GANAB: variants seen among roughly 807,000 people sequenced by gnomAD.
GANAB encodes the protein glucosidase II alpha subunit.
GANAB carries 35 observed loss-of-function variants against 129.9 expected under a neutral mutation model. The observed-to-expected ratio is 0.27, with a 90% CI of 0.21 to 0.36. GANAB has a LOEUF of 0.36. Ranked by LOEUF, GANAB falls within the 10% of genes least tolerant of loss-of-function variation. The pLI is 1.00. For synonymous variants in GANAB, 482 were observed against 451.8 expected, an observed-to-expected ratio of 1.07 and a Z score of -0.85; for missense variants, 939 against 1,221.0, an observed-to-expected ratio of 0.77 and a Z score of 3.44.
Position 62,626,371 on chromosome 11 carries a change from C to T in GANAB, c.2588G>A (p.Arg863His), listed in dbSNP as rs146501208. 9.9e-5 allele frequency: 160 copies of T among 1,612,998 alleles called. No homozygotes were observed. Among genetic ancestry groups the T allele is most frequent in the Middle Eastern group, 1.6e-4 (1 of 6,082 alleles). ...NYQTRQEFLL[R>H]RFSFSGNTLV... ...GGTGTTGCCAGAGAATGAGAATCGACGCAGCAGGAACTCTTGGCGAGTCTG... is the reference window on the plus strand; with the variant it reads ...GGTGTTGCCAGAGAATGAGAATCGATGCAGCAGGAACTCTTGGCGAGTCTG... The change falls in exon 22 of 24, where the codon CGT becomes CAT. Residue 863 changes from arginine (R) to histidine (H), a missense_variant. Physicochemically the swap from Arg to His is conservative, Grantham distance 29. Around this residue, in one of 5 missense-constraint regions of GANAB, gnomAD observed 230 missense variants for 259.9 expected, o/e 0.89. Coordinates refer to ENST00000356638, the MANE Select transcript of GANAB (RefSeq NM_198334.3).
chr11:62,645,887 G>T (rs1438595286), intron 1 of GANAB, among the ~76,000 whole-genome samples: 1 of 152,178 alleles, frequency 6.6e-6, no homozygotes, highest in Non-Finnish European at 1.5e-5. Context: ...AAACATTTGT[G>T]GCACTGGTGA....
chr11:62,626,647 C>A lies in GANAB; in HGVS notation c.2435G>T (p.Arg812Leu). The A allele has an allele frequency of 1.2e-6, 2 of 1,610,952 alleles. No homozygotes were observed. The highest frequency in any genetic ancestry group is 1.7e-6 in the Non-Finnish European group (2 of 1,178,300). The change falls in exon 21 of 24, where the codon CGA (arginine) becomes CTA (leucine). Residue 812 changes from arginine to leucine, a missense_variant. Arg to Leu is a moderately radical substitution (Grantham distance 102). Around this residue, in one of 5 missense-constraint regions of GANAB, gnomAD observed 230 missense variants for 259.9 expected, o/e 0.89. Transcript: ENST00000356638. ...TGAAGACCGCCGCACTCGCATCCAT[C>A]GAGGCACGATTGTCCCTCCACGCTG... is the stretch of plus-strand genomic sequence containing the variant. ...VFQRGGTIVP[R>L]WMRVRRSSEC...
chr11:62,639,261 T>C (rs927552968), intron 3 of GANAB, 98 bp downstream of exon 3: 21 of 1,285,408 alleles, frequency 1.6e-5, no homozygotes, highest in Non-Finnish European at 2.0e-5. Context: ...AGTCCAAAGA[T>C]TAGGCTGGGA....
rs1028456794 is a variant in GANAB at position 62,625,144 on chromosome 11, C to T, written c.*671G>A. The T allele has an allele frequency of 1.3e-4, 60 of 449,460 alleles. No homozygotes were observed. In the Admixed American group the frequency reaches 1.4e-3, roughly 10 times the overall value. The allele number at this position is 449,460 out of a possible 1,614,324, so 27.8% of individuals were successfully genotyped here. On this transcript the variant is annotated 3_prime_UTR_variant, in exon 24 of 24. Coordinates refer to ENST00000356638, the MANE Select transcript of GANAB (RefSeq NM_198334.3). ...GCGCATCCCCTAAGAGGTGTGGAAA[C>T]GTCTTTCTGCCGAGGGACAGAGGAG... is the stretch of plus-strand genomic sequence containing the variant.
chr11:62,625,449 T>C lies in GANAB; in HGVS notation c.*366A>G, dbSNP rs1352804024. 14 of 396,054 alleles carry C rather than the reference T, an allele frequency of 3.5e-5. No individual in the cohort carries two copies. Among genetic ancestry groups the C allele is most frequent in the South Asian group, 2.4e-4 (12 of 50,824 alleles). 24.5% of individuals were successfully genotyped at this position (396,054 alleles called of 1,614,324 possible). A position where few individuals can be genotyped will look rare whatever the true frequency, so the allele number is the denominator to read the frequency against. The stretch of plus-strand genomic sequence containing the variant: ...CTTCTTCCAAGAAGTGGCATCAACA[T>C]ACAAGAGGCATGAATGGATAGACTC... On this transcript the variant is annotated 3_prime_UTR_variant, in exon 24 of 24. Transcript: ENST00000356638.
Position 62,626,555 on chromosome 11 carries a change from CT to C in GANAB, c.2511+15del. 6.4e-7 allele frequency: 1 copy of C among 1,551,722 alleles called. No individual in the cohort carries two copies. On this transcript the variant is annotated intron_variant, in intron 21 of 23. Transcript: ENST00000356638. ...GCAGGCAAATGGCTGAGGAGACTCG[CT>C]GCCTATGCACTTACCTGAGGGCTAA... is the stretch of plus-strand genomic sequence containing the variant.
chr11:62,637,560 A>G (rs751090308), intron 4 of GANAB, among the ~76,000 whole-genome samples: 2 of 152,222 alleles, frequency 1.3e-5, no homozygotes, highest in Non-Finnish European at 2.9e-5. Context: ...ATAACAGGAG[A>G]CATGTACAAG....
At chr11:62,641,082 G>A (rs555171694) in intron 1 of GANAB, among the ~76,000 whole-genome samples, 4 of 151,986 alleles carry the variant, frequency 2.6e-5, no homozygotes, top group South Asian at 2.1e-4. Context: ...CTCATGTCAC[G>A]TCTGTAATCC....
Position 62,634,820 on chromosome 11 carries a change from C to A in GANAB, c.560+1G>T, listed in dbSNP as rs772348092. 1 of 1,612,372 alleles carries A rather than the reference C, an allele frequency of 6.2e-7. No homozygotes were observed. Among genetic ancestry groups the A allele is most frequent in the Admixed American group, 1.7e-5 (1 of 59,972 alleles). On this transcript the variant is annotated splice_donor_variant, in intron 5 of 23. Coordinates refer to ENST00000356638, the MANE Select transcript of GANAB (RefSeq NM_198334.3). LOFTEE classifies it high-confidence loss of function. ...CCTGCAGTCCCAACCCCTGTACTCACGAGACCCTAGGGGCCCTCTGATGCT... is the reference window on the plus strand; with the variant it reads ...CCTGCAGTCCCAACCCCTGTACTCAAGAGACCCTAGGGGCCCTCTGATGCT...
intron 1 of GANAB, among the ~76,000 whole-genome samples, chr11:62,642,509 ACTG>A (rs1944313462): frequency 6.6e-6 from 1 of 150,710 alleles, no homozygotes; most frequent in African/African-American, 2.4e-5. Context: ...ATCTCAGCTC[ACTG>A]CAACCTCTGC....
Position 62,630,627 on chromosome 11 carries a change from C to T in GANAB, c.1360G>A (p.Glu454Lys). The change falls in exon 11 of 24, where the codon GAG (glutamate) becomes AAG (lysine). Residue 454 changes from glutamate to lysine, a missense_variant. This residue lies in a region of GANAB where 220 missense variants were observed against 295.9 expected (regional missense o/e 0.74). Coordinates refer to ENST00000356638, the MANE Select transcript of GANAB (RefSeq NM_198334.3). The part of the protein sequence containing the change: ...SRFPQPRTML[E>K]RLASKRRKLV... ...TTCCGCCTCTTAGAAGCCAAGCGCT[C>T]AAGCATGGTGCGGGGCTGAGGGAAG... 6.2e-7 allele frequency: 1 copy of T among 1,613,088 alleles called. No homozygotes were observed.
chr11:62,635,023 T>A, intron 4 of GANAB, 23 bp from the exon 5 acceptor site: 1 of 1,580,098 alleles, frequency 6.3e-7, no homozygotes. Context: ...TCAAAAGAAA[T>A]ATAAGGAAGT....
chr11:62,626,824 G>A, intron 20 of GANAB, 36 bp downstream of exon 20: 1 of 1,509,896 alleles, frequency 6.6e-7, no homozygotes, highest in Non-Finnish European at 9.2e-7. Flanking sequence ...AAATTTACAG[G>A]GAGATGGAAC....
intron 1 of GANAB, among the ~76,000 whole-genome samples, chr11:62,642,640 T>C (rs984519433): frequency 1.3e-5 from 2 of 152,076 alleles, no homozygotes; most frequent in South Asian, 2.1e-4. Flanking sequence ...TTCATCATGT[T>C]GGCCAGGCTC....
chr11:62,635,215 A>T (rs1943892217), intron 4 of GANAB, among the ~76,000 whole-genome samples: 1 of 149,842 alleles, frequency 6.7e-6, no homozygotes, highest in Non-Finnish European at 1.5e-5. Context: ...ACGGAGTTTC[A>T]CTCTTGTTGC....
In GANAB at chr11:62,625,594, G is replaced by A. The variant is rs557002169; in HGVS notation, c.*221C>T. On this transcript the variant is annotated 3_prime_UTR_variant, in exon 24 of 24. Transcript: ENST00000356638. ...AGCAACAGGATGTTGGGGGAATGAA[G>A]GGAAAGAGTTGGTATCAATGGAGTG... 1.7e-4 allele frequency: 99 copies of A among 571,560 alleles called. No individual in the cohort carries two copies. The highest frequency in any genetic ancestry group is 1.6e-3 in the African/African-American group (87 of 53,332). The allele number at this position is 571,560 out of a possible 1,614,324, so 35.4% of individuals were successfully genotyped here. A position where few individuals can be genotyped will look rare whatever the true frequency, so the allele number is the denominator to read the frequency against.
Position 62,630,519 on chromosome 11 carries a change from A to T in GANAB, c.1387-14T>A. The stretch of plus-strand genomic sequence containing the variant: ...GATGGCCACCAGCTGGGGGCAAGGA[A>T]CAGGGGTGTTCAGGTCTCTTTAAGG... On this transcript the variant is annotated splice_polypyrimidine_tract_variant and intron_variant, in intron 11 of 23. Coordinates refer to ENST00000356638, the MANE Select transcript of GANAB (RefSeq NM_198334.3). 2 of 1,614,200 alleles carry T rather than the reference A, an allele frequency of 1.2e-6. No homozygotes were observed.
chr11:62,632,856 T>C, intron 8 of GANAB, 111 bp from the exon 9 acceptor site: 2 of 1,059,278 alleles, frequency 1.9e-6, no homozygotes, highest in Non-Finnish European at 2.9e-6. Flanking sequence ...TCTTGTCCTT[T>C]CTCAAAAAAT....
chr11:62,635,898 G>A (rs1331522092), intron 4 of GANAB, among the ~76,000 whole-genome samples: 2 of 152,006 alleles, frequency 1.3e-5, no homozygotes, highest in Non-Finnish European at 2.9e-5. Flanking sequence ...CCAAAGTGCT[G>A]GGATTACAGG....
Sources: gnomAD v4.1 joint callset for allele counts (sites outside exome capture counted in the v4.1 genomes callset) on GRCh38, gnomAD v4.1.1 for gene constraint, gnomAD v4.1.1 regional missense constraint, MANE v1.5 for transcripts, NCBI Gene and HGNC (gene_info 2026-07-23, HGNC 2026-07-21) for gene names.